The following DHX36 variants were observed in gnomAD, a reference collection of about 807,000 sequenced individuals.
DHX36 encodes DEAH-box helicase 36.
In DHX36, 50 loss-of-function variants were observed where a neutral mutation model predicts 139.0. The ratio of observed to expected loss-of-function variants is 0.36; its 90% CI spans 0.29 to 0.46. DHX36 has a LOEUF of 0.46. DHX36 is among the 20% of genes least tolerant of loss of function. The probability of loss-of-function intolerance (pLI) is 1.00; values close to 1 mark genes in which losing one functional copy is unlikely to be tolerated. For missense variants in DHX36, 1,024 were observed against 1,211.3 expected, an observed-to-expected ratio of 0.85 and a Z score of 2.29; for synonymous variants, 425 against 401.9, an observed-to-expected ratio of 1.06 and a Z score of -0.69.
chr3:154,322,567 C>T (rs1157212407), intron 1 of DHX36, among the ~76,000 whole-genome samples: 5 of 152,176 alleles, frequency 3.3e-5, no homozygotes, highest in Non-Finnish European at 7.4e-5. Context: ...CTCATTTGGC[C>T]TTGCCAAGTG....
intron 12 of DHX36, 95 bp from the exon 13 acceptor site, chr3:154,295,434 C>A: frequency 1.9e-6 from 1 of 531,954 alleles, no homozygotes. Flanking sequence ...CTGAACCACT[C>A]AATTCTTTTT....
intron 3 of DHX36, among the ~76,000 whole-genome samples, chr3:154,313,541 G>T (rs76617923): frequency 6.6e-6 from 1 of 152,034 alleles, no homozygotes; most frequent in Non-Finnish European, 1.5e-5. Flanking sequence ...TTAACCAGGC[G>T]TACTGGCACA....
rs979645973 is a variant in DHX36, at chr3:154,273,637, A to T, written c.*2534T>A. On this transcript the variant is annotated 3_prime_UTR_variant, in exon 25 of 25. Coordinates refer to ENST00000496811, the MANE Select transcript of DHX36 (RefSeq NM_020865.3). ...GACTCTAATGCCAGCATTCAATGAC[A>T]GACAGATCACTTTTAGAAGAACAGC... is the stretch of plus-strand genomic sequence containing the variant. 6.6e-6 allele frequency: 1 copy of T among 152,226 alleles called. No individual in the cohort carries two copies. Among genetic ancestry groups the T allele is most frequent in the Non-Finnish European group, 1.5e-5 (1 of 68,036 alleles). The allele number at this position is 152,226 out of a possible 1,614,324, so 9.4% of individuals were successfully genotyped here. A position where few individuals can be genotyped will look rare whatever the true frequency, so the allele number is the denominator to read the frequency against.
At chr3:154,304,241 G>A (rs1479400764) in intron 8 of DHX36, among the ~76,000 whole-genome samples, 5 of 152,086 alleles carry the variant, frequency 3.3e-5, no homozygotes, top group Non-Finnish European at 7.4e-5. Context: ...GTATAAGCAG[G>A]AAAGACAGTG....
rs1292876668 is a variant in DHX36, at chr3:154,280,582, TTTC to T, written c.2561_2563del (p.Arg854del). 1 of 1,601,190 alleles carries T rather than the reference TTTC, an allele frequency of 6.2e-7. No homozygotes were observed. Among genetic ancestry groups the T allele is most frequent in the African/African-American group, 1.3e-5 (1 of 74,638 alleles). On this transcript the variant is annotated inframe_deletion, in exon 22 of 25. Coordinates refer to ENST00000496811, the MANE Select transcript of DHX36 (RefSeq NM_020865.3). The stretch of plus-strand genomic sequence containing the variant: ...AATAATAATCTTCAATGCTTACATT[TTTC>T]TTTTTTTACCCAAATTTAGTCGAAT...
At chr3:154,300,371 C>T in intron 11 of DHX36, among the ~76,000 whole-genome samples, 1 of 152,172 alleles carries the variant, frequency 6.6e-6, no homozygotes, top group East Asian at 1.9e-4. Flanking sequence ...TCCAGCTAAG[C>T]TCACTTTTAA....
intron 15 of DHX36, among the ~76,000 whole-genome samples, chr3:154,291,566 A>G (rs1344123325): frequency 6.6e-6 from 1 of 152,218 alleles, no homozygotes; most frequent in African/African-American, 2.4e-5. Flanking sequence ...TTTTGGTTCA[A>G]TAGCATCAAC....
chr3:154,320,600 C>T (rs1408209783), intron 1 of DHX36, among the ~76,000 whole-genome samples: 1 of 152,192 alleles, frequency 6.6e-6, no homozygotes, highest in Non-Finnish European at 1.5e-5. Context: ...TGCCCTATAA[C>T]AATATCAAAC....
chr3:154,298,542 T>C (rs1035568737), intron 12 of DHX36, among the ~76,000 whole-genome samples: 1 of 152,232 alleles, frequency 6.6e-6, no homozygotes, highest in African/African-American at 2.4e-5. Context: ...TTTCAGAGCA[T>C]AACAGGATTT....
intron 15 of DHX36, among the ~76,000 whole-genome samples, chr3:154,291,150 A>AAAG (rs2108343143): frequency 6.8e-6 from 1 of 147,674 alleles, no homozygotes; most frequent in East Asian, 1.9e-4. Flanking sequence ...AAAAAAAAAA[A>AAAG]AAAAAAAAAA....
intron 3 of DHX36, among the ~76,000 whole-genome samples, chr3:154,312,852 AATATAT>A (rs67771264): frequency 0.071 from 2,791 of 39,490 alleles, 120 homozygotes; most frequent in Non-Finnish European, 0.099. Flanking sequence ...AAATAATTAA[AATATAT>A]ATATATATAT....
chr3:154,316,188 T>C, intron 1 of DHX36, 25 bp from the exon 2 acceptor site: 5 of 1,610,530 alleles, frequency 3.1e-6, no homozygotes, highest in Non-Finnish European at 4.2e-6. Context: ...GAAAAAAGCA[T>C]CCTTGTCAAC....
At position 154,289,835 on chromosome 3, in the gene DHX36, A is replaced by C. The variant is rs766873838; in HGVS notation, c.1815-9T>G. 2.7e-5 allele frequency: 41 copies of C among 1,526,400 alleles called. No individual in the cohort carries two copies. Among genetic ancestry groups the C allele is most frequent in the Admixed American group, 2.3e-4 (12 of 51,352 alleles). The allele number at this position is 1,526,400 out of a possible 1,614,324, so 94.6% of individuals were successfully genotyped here. On this transcript the variant is annotated splice_polypyrimidine_tract_variant and intron_variant, in intron 15 of 24. Transcript: ENST00000496811. Reference sequence around the variant, plus strand: ...AATGACCAGGTTGAACTCTTAAAAAAAAAACAAAACAAAATGAAACAAAGA... The same window carrying C: ...AATGACCAGGTTGAACTCTTAAAAACAAAACAAAACAAAATGAAACAAAGA...
At chr3:154,284,483 A>G (rs970885525) in intron 19 of DHX36, 100 bp downstream of exon 19, 4 of 1,104,984 alleles carry the variant, frequency 3.6e-6, no homozygotes, top group East Asian at 5.2e-5. Flanking sequence ...GCCCGGCCTT[A>G]TAACAGAGAT....
intron 12 of DHX36, 173 bp downstream of exon 12, chr3:154,299,665 G>C (rs1245433443): frequency 7.9e-6 from 5 of 630,900 alleles, no homozygotes; most frequent in African/African-American, 3.7e-5. Context: ...AATTTTATTA[G>C]GCAAATTGTG....
At position 154,304,910 on chromosome 3, in the gene DHX36, T is replaced by C. The variant is rs536261791; in HGVS notation, c.1031A>G (p.Asp344Gly). The change falls in exon 8 of 25, where the codon GAT (aspartate) becomes GGT (glycine). Residue 344 changes from aspartate (D) to glycine (G), a missense_variant. By Grantham distance (94) the Asp-to-Gly change is moderately conservative. Around this residue, in one of 4 missense-constraint regions of DHX36, gnomAD observed 146 missense variants for 215.0 expected, o/e 0.68. Coordinates refer to ENST00000496811, the MANE Select transcript of DHX36 (RefSeq NM_020865.3). ...DEIHERNLQS[D>G]VLMTVVKDLL... Reference sequence around the variant, plus strand: ...GTCTTTAACAACAGTCATTAAAACATCTGACTGCAGATTTCTTTCATGGAT... The same window carrying C: ...GTCTTTAACAACAGTCATTAAAACACCTGACTGCAGATTTCTTTCATGGAT... The C allele has an allele frequency of 6.2e-7, 1 of 1,612,500 alleles. No individual in the cohort carries two copies. Among genetic ancestry groups the C allele is most frequent in the South Asian group, 1.1e-5 (1 of 90,628 alleles).
chr3:154,303,479 T>TTGTCCTATTTAC, intron 8 of DHX36, 69 bp from the exon 9 acceptor site: 1 of 1,132,696 alleles, frequency 8.8e-7, no homozygotes, highest in Non-Finnish European at 1.3e-6. Flanking sequence ...ATACTGTAAA[T>TTGTCCTATTTAC]AGGACAATGA....
At chr3:154,296,429 G>A (rs905832884) in intron 12 of DHX36, among the ~76,000 whole-genome samples, 4 of 152,068 alleles carry the variant, frequency 2.6e-5, no homozygotes, top group East Asian at 1.9e-4. Flanking sequence ...AGCCGAGATC[G>A]CGCCACTGCA....
Position 154,284,619 on chromosome 3 carries a change from A to G in DHX36, c.2256T>C (p.Thr752=), listed in dbSNP as rs376802780. The change falls in exon 19 of 25, where the codon ACT becomes ACC. Residue 752 remains threonine, a synonymous_variant. Transcript: ENST00000496811. ...DARRKELAKD[T]RSDHLTVVNA... is the part of the protein sequence containing the mutation. ...TCACAACTGTTAAGTGATCACTTCT[A>G]GTATCCTTTGCCAATTCCTTTCTTC... The G allele has an allele frequency of 3.1e-6, 5 of 1,612,624 alleles. No individual in the cohort carries two copies. The African/African-American group carries it at 4.0e-5, about 13-fold the overall frequency.
Sources: gnomAD v4.1 joint callset for allele counts (sites outside exome capture counted in the v4.1 genomes callset) on GRCh38, gnomAD v4.1.1 for gene constraint, gnomAD v4.1.1 regional missense constraint, MANE v1.5 for transcripts, NCBI Gene and HGNC (gene_info 2026-07-23, HGNC 2026-07-21) for gene names.